CNTNAP2: variants seen among roughly 807,000 people sequenced by gnomAD.
CNTNAP2 encodes contactin-associated protein-like 2.
A neutral mutation model predicts 155.2 loss-of-function variants in CNTNAP2; 98 were observed. The observed-to-expected ratio is 0.63, with a 90% CI of 0.54 to 0.75. CNTNAP2 has a LOEUF of 0.75. Among genes scored for constraint, CNTNAP2 ranks in the 30% least tolerant of loss-of-function variants. The pLI, the probability that CNTNAP2 is intolerant of heterozygous loss-of-function variation, is 0.00. For missense variants in CNTNAP2, 1,727 were observed against 1,688.1 expected (o/e 1.02, Z -0.40); for synonymous variants, 651 against 631.2 (o/e 1.03, Z -0.47).
At chr7:147,946,256 G>C (rs1800818535) in intron 14 of CNTNAP2, among the ~76,000 whole-genome samples, 1 of 152,104 alleles carries the variant, frequency 6.6e-6, no homozygotes, top group Non-Finnish European at 1.5e-5. Context: ...CTGGGCTTGG[G>C]AGAGCAGCAG....
chr7:146,134,831 T>A (rs916005944), intron 1 of CNTNAP2, among the ~76,000 whole-genome samples: 1 of 151,832 alleles, frequency 6.6e-6, no homozygotes, highest in Non-Finnish European at 1.5e-5. Flanking sequence ...TATTGAGGAT[T>A]TTTGCATCAA....
chr7:147,271,250 GT>G (rs1804747515), intron 8 of CNTNAP2, among the ~76,000 whole-genome samples: 1 of 149,670 alleles, frequency 6.7e-6, no homozygotes, highest in African/African-American at 2.6e-5. Flanking sequence ...GCAGGAATAA[GT>G]GTAGTTTTTT....
intron 3 of CNTNAP2, among the ~76,000 whole-genome samples, chr7:146,928,596 G>T (rs1452471332): frequency 6.6e-6 from 1 of 152,156 alleles, no homozygotes; most frequent in Non-Finnish European, 1.5e-5. Flanking sequence ...AGGACAGTGG[G>T]TGCAGCGCAC....
At chr7:147,911,872 T>G (rs1456429812) in intron 14 of CNTNAP2, among the ~76,000 whole-genome samples, 1 of 152,200 alleles carries the variant, frequency 6.6e-6, no homozygotes, top group East Asian at 1.9e-4. Flanking sequence ...ACACTTTTAT[T>G]TCCACATTTT....
Position 147,377,975 on chromosome 7 carries a change from C to T in CNTNAP2, c.1499-17634C>T, listed in dbSNP as rs111663826. On this transcript the variant is annotated intron_variant, in intron 9 of 23. Coordinates refer to ENST00000361727, the MANE Select transcript of CNTNAP2 (RefSeq NM_014141.6). ...TGTTCTGGAAAATTCTTAGATGTTA[C>T]GTATTTTAATTGATTCTCCATCATT... The T allele has an allele frequency of 5.2e-3, 2,423 of 464,384 alleles. 37 individuals are homozygous for T. Among genetic ancestry groups the T allele is most frequent in the African/African-American group, 0.038 (1,883 of 49,638 alleles). The allele number at this position is 464,384 out of a possible 1,614,324, so 28.8% of individuals were successfully genotyped here. A position where few individuals can be genotyped will look rare whatever the true frequency, so the allele number is the denominator to read the frequency against.
At chr7:147,387,395 C>T (rs1306845319) in intron 9 of CNTNAP2, among the ~76,000 whole-genome samples, 1 of 152,100 alleles carries the variant, frequency 6.6e-6, no homozygotes, top group East Asian at 1.9e-4. Flanking sequence ...TTATACCCAG[C>T]CTTGTATTTT....
At chr7:147,893,446 C>G (rs1799725490) in intron 13 of CNTNAP2, among the ~76,000 whole-genome samples, 2 of 152,150 alleles carry the variant, frequency 1.3e-5, no homozygotes, top group Non-Finnish European at 2.9e-5. Flanking sequence ...CAATGGCACC[C>G]AGTCATCTGG....
intron 15 of CNTNAP2, among the ~76,000 whole-genome samples, chr7:148,025,634 A>C (rs112990981): frequency 6.6e-6 from 1 of 152,160 alleles, no homozygotes; most frequent in Non-Finnish European, 1.5e-5. Context: ...AAAACAATCT[A>C]TGGTCCCTCT....
chr7:147,779,642 C>T (rs851680), intron 13 of CNTNAP2, among the ~76,000 whole-genome samples: 1 of 152,058 alleles, frequency 6.6e-6, no homozygotes, highest in Admixed American at 6.5e-5. Context: ...GGACTCCAAG[C>T]CATGTTTTCT....
At chr7:147,328,512 T>C (rs557762429) in intron 9 of CNTNAP2, among the ~76,000 whole-genome samples, 1 of 152,280 alleles carries the variant, frequency 6.6e-6, no homozygotes, top group African/African-American at 2.4e-5. Flanking sequence ...GAATCGACTA[T>C]TTAGAGGGCC....
intron 20 of CNTNAP2, among the ~76,000 whole-genome samples, chr7:148,258,068 G>A (rs1796487768): frequency 6.6e-6 from 1 of 152,144 alleles, no homozygotes; most frequent in South Asian, 2.1e-4. Flanking sequence ...TAAATTAACT[G>A]GAAGGTTTAT....
In CNTNAP2 at chr7:146,356,895, A is replaced by C. The variant is rs148877725; in HGVS notation, c.97+239922A>C. On this transcript the variant is annotated intron_variant, in intron 1 of 23. Coordinates refer to ENST00000361727, the MANE Select transcript of CNTNAP2 (RefSeq NM_014141.6). Reference sequence around the variant, plus strand: ...CATGACAACCTGGGAGCCCACTGTAAATGACTTTTCTCCAGGTCGCTGCTT... The same window carrying C: ...CATGACAACCTGGGAGCCCACTGTACATGACTTTTCTCCAGGTCGCTGCTT... Among the ~76,000 whole-genome samples, 46 of 152,202 alleles carry C rather than the reference A, an allele frequency of 3.0e-4. No homozygotes were observed. The East Asian group carries it at 8.5e-3, about 28-fold the overall frequency.
intron 21 of CNTNAP2, among the ~76,000 whole-genome samples, chr7:148,294,200 TCAGAAGG>T (rs1238438076): frequency 6.6e-6 from 1 of 152,108 alleles, no homozygotes; most frequent in Admixed American, 6.6e-5. Flanking sequence ...CTCTCCATTC[TCAGAAGG>T]CACGCTGGCA....
intron 15 of CNTNAP2, among the ~76,000 whole-genome samples, chr7:148,033,481 A>G (rs536994791): frequency 6.6e-6 from 1 of 151,512 alleles, no homozygotes; most frequent in South Asian, 2.1e-4. Context: ...TCTACCCGCC[A>G]CTCCACAAAG....
intron 1 of CNTNAP2, among the ~76,000 whole-genome samples, chr7:146,577,687 A>G (rs886240479): frequency 7.9e-5 from 12 of 152,138 alleles, no homozygotes; most frequent in African/African-American, 2.4e-4. Flanking sequence ...AACAAGATCA[A>G]TATTTGTAAA....
At chr7:146,889,903 A>G (rs1795742493) in intron 3 of CNTNAP2, among the ~76,000 whole-genome samples, 1 of 152,076 alleles carries the variant, frequency 6.6e-6, no homozygotes, top group African/African-American at 2.4e-5. Flanking sequence ...AGATTTGAGT[A>G]TTATTGATGA....
At chr7:147,417,754 GAT>G (rs1322504315) in intron 10 of CNTNAP2, among the ~76,000 whole-genome samples, 1 of 152,126 alleles carries the variant, frequency 6.6e-6, no homozygotes, top group Non-Finnish European at 1.5e-5. Context: ...AATTTTATAA[GAT>G]ATGCTGCATA....
intron 21 of CNTNAP2, among the ~76,000 whole-genome samples, chr7:148,306,863 T>C (rs921513344): frequency 6.6e-6 from 1 of 152,188 alleles, no homozygotes; most frequent in Non-Finnish European, 1.5e-5. Flanking sequence ...GGTTCCCCTT[T>C]AGCTGACACC....
At chr7:148,091,595 T>C (rs1468117793) in intron 15 of CNTNAP2, among the ~76,000 whole-genome samples, 1 of 152,180 alleles carries the variant, frequency 6.6e-6, no homozygotes, top group East Asian at 1.9e-4. Flanking sequence ...TTTGTTATTC[T>C]AAGGAAAAAT....
Sources: allele counts gnomAD v4.1 joint callset (sites outside exome capture counted in the v4.1 genomes callset), GRCh38; gene constraint gnomAD v4.1.1; transcripts MANE v1.5; gene names NCBI Gene and HGNC (gene_info 2026-07-23, HGNC 2026-07-21).